Variants in MYH9 observed in about 807,000 individuals in gnomAD.
The protein encoded by MYH9 is myosin heavy chain 9.
Under a neutral mutation model 241.9 loss-of-function variants are expected in MYH9, and 29 were observed. That is an observed-to-expected ratio of 0.12 (90% CI 0.09 to 0.16). MYH9 has a LOEUF of 0.16. Among genes scored for constraint, MYH9 ranks in the 10% least tolerant of loss-of-function variants. MYH9 has a pLI of 1.00. For synonymous variants in MYH9, 1,047 were observed against 1,062.6 expected (o/e 0.99, Z 0.29); for missense variants, 1,803 against 2,595.5 (o/e 0.69, Z 6.63).
Position 36,317,600 on chromosome 22 carries a change from G to A in MYH9, c.1227+607C>T, listed in dbSNP as rs956185848. Among the ~76,000 whole-genome samples, 4 of 152,234 alleles carry A rather than the reference G, an allele frequency of 2.6e-5. No individual in the cohort carries two copies. The South Asian group carries it at 8.3e-4, about 31-fold the overall frequency. On this transcript the variant is annotated intron_variant, in intron 11 of 40. Transcript: ENST00000216181. Reference sequence around the variant, plus strand: ...ACAAAATGAGCTTCCAAGTATTTTTGAGAGATGGGTTTGGCACCCTAAAAA... The same window carrying A: ...ACAAAATGAGCTTCCAAGTATTTTTAAGAGATGGGTTTGGCACCCTAAAAA...
chr22:36,304,271 G>C (rs1229088199), intron 18 of MYH9, 116 bp from the exon 19 acceptor site: 23 of 1,119,176 alleles, frequency 2.1e-5, no homozygotes, highest in African/African-American at 4.6e-5. Context: ...TGGCTGACGA[G>C]CATCTGGAGA....
rs527571090 is a variant in MYH9, at chr22:36,285,266, G to A, written c.5338C>T (p.Arg1780Trp). Reference protein sequence around the residue: ...RSHAQKNENARQQLERQNKEL... With the variant: ...RSHAQKNENAWQQLERQNKEL... ...TTGTTCTGGCGTTCCAGCTGCTGCC[G>A]AGCATTCTCGTTCTTCTGGGCGTGG... The change falls in exon 38 of 41, where the codon CGG (arginine) becomes TGG (tryptophan). Residue 1780 changes from arginine to tryptophan, a missense_variant. Transcript: ENST00000216181. This position sits in a 1 kb window ranked among gnomAD's most constrained non-coding sequence, Gnocchi z 7.0. The A allele has an allele frequency of 7.7e-5, 125 of 1,614,018 alleles. No homozygotes were observed. The highest frequency in any genetic ancestry group is 1.3e-4 in the Admixed American group (8 of 60,026).
chr22:36,306,556 A>G lies in MYH9; in HGVS notation c.1895T>C (p.Leu632Pro). Residue 632 changes from leucine to proline, a missense_variant, in exon 16 of 41, where the codon CTG becomes CCG. Coordinates refer to ENST00000216181, the MANE Select transcript of MYH9 (RefSeq NM_002473.6). This position sits in a 1 kb window ranked among gnomAD's most constrained non-coding sequence, Gnocchi z 4.1. The stretch of plus-strand genomic sequence containing the variant: ...CTTCCGCGTCTTGAAGGCCCCGGGC[A>G]GTGCGGTCTCCGACATGCCGGCCAC... ...DQVAGMSETALPGAFKTRKGM... is the reference protein window; with the variant it reads ...DQVAGMSETAPPGAFKTRKGM... 1.2e-6 allele frequency: 2 copies of G among 1,614,010 alleles called. No homozygotes were observed. The highest frequency in any genetic ancestry group is 2.2e-5 in the East Asian group (1 of 44,886).
rs182679970 is a variant in MYH9, at chr22:36,295,421, T to C, written c.3485+84A>G. Reference sequence around the variant, plus strand: ...GCCACGGTGTGTGTGTGTGTGTGTGTGCAGAGGCCCGGGGTCCATGTCTCC... The same window carrying C: ...GCCACGGTGTGTGTGTGTGTGTGTGCGCAGAGGCCCGGGGTCCATGTCTCC... On this transcript the variant is annotated intron_variant, in intron 26 of 40. Coordinates refer to ENST00000216181, the MANE Select transcript of MYH9 (RefSeq NM_002473.6). This position sits in a 1 kb window ranked among gnomAD's most constrained non-coding sequence, Gnocchi z 4.1. 1.2e-3 allele frequency: 1,295 copies of C among 1,079,364 alleles called. No homozygotes were observed. Among genetic ancestry groups the C allele is most frequent in the Non-Finnish European group, 1.4e-3 (997 of 718,740 alleles). The allele number at this position is 1,079,364 out of a possible 1,614,324, so 66.9% of individuals were successfully genotyped here.
chr22:36,316,822 T>G (rs574127329), intron 11 of MYH9, among the ~76,000 whole-genome samples, 153 bp from the exon 12 acceptor site: 1 of 152,196 alleles, frequency 6.6e-6, no homozygotes, highest in Admixed American at 6.5e-5. Flanking sequence ...TACACAAATA[T>G]GTTCACTGTG....
intron 1 of MYH9, among the ~76,000 whole-genome samples, chr22:36,356,001 A>T (rs1041819761): frequency 1.5e-4 from 23 of 152,196 alleles, no homozygotes; most frequent in African/African-American, 2.2e-4. Flanking sequence ...TGGGTGAGCC[A>T]TTTGAGTTCT....
chr22:36,379,432 C>T (rs984543220), intron 1 of MYH9, among the ~76,000 whole-genome samples: 2 of 152,294 alleles, frequency 1.3e-5, no homozygotes, highest in African/African-American at 4.8e-5. Flanking sequence ...TGGCGTGAAC[C>T]CGGGAGGTGG....
Position 36,326,687 on chromosome 22 carries a change from G to A in MYH9, c.519-26C>T, listed in dbSNP as rs578151078. On this transcript the variant is annotated intron_variant, in intron 4 of 40. Transcript: ENST00000216181. ...CTACCAAGAGAGGCAAGGAAGTCCC[G>A]GGCTTAGGCATGGCCAAGTCCTTGA... 1.0e-5 allele frequency: 16 copies of A among 1,601,764 alleles called. 1 individual carries two copies. Among genetic ancestry groups the A allele is most frequent in the Middle Eastern group, 1.7e-4 (1 of 6,048 alleles).
At position 36,293,196 on chromosome 22, in the gene MYH9, A is replaced by G; in HGVS notation, c.4095+133T>C. On this transcript the variant is annotated intron_variant, in intron 30 of 40. Transcript: ENST00000216181. The surrounding 1 kb of genome is among the most constrained non-coding windows in gnomAD (Gnocchi z 5.1). ...CTTGAGAGCACTGATGTGGGAGAGC[A>G]CGGTTGGCTTCCCAGGGGGAGAGCA... The G allele has an allele frequency of 9.0e-7, 1 of 1,112,130 alleles. No homozygotes were observed. Among genetic ancestry groups the G allele is most frequent in the South Asian group, 1.4e-5 (1 of 72,402 alleles). The allele number at this position is 1,112,130 out of a possible 1,614,324, so 68.9% of individuals were successfully genotyped here.
intron 10 of MYH9, 87 bp from the exon 11 acceptor site, chr22:36,318,412 T>A: frequency 9.3e-7 from 1 of 1,071,126 alleles, no homozygotes; most frequent in Non-Finnish European, 1.5e-6. Context: ...AGAGAATAAG[T>A]CCCTCTGCTT....
chr22:36,301,088 C>T (rs1234422744), intron 21 of MYH9, 31 bp from the exon 22 acceptor site: 1 of 1,594,244 alleles, frequency 6.3e-7, no homozygotes, highest in Admixed American at 1.7e-5. Flanking sequence ...ACACAAGCTC[C>T]TCGCAACACC....
chr22:36,287,058 G>A (rs555019168), intron 34 of MYH9, among the ~76,000 whole-genome samples: 1 of 152,302 alleles, frequency 6.6e-6, no homozygotes, highest in East Asian at 1.9e-4. Context: ...GTTCGTCACC[G>A]TGGACGTGAG....
chr22:36,309,196 T>C, intron 15 of MYH9, 86 bp downstream of exon 15: 1 of 1,159,028 alleles, frequency 8.6e-7, no homozygotes, highest in Non-Finnish European at 1.3e-6. Flanking sequence ...GTGTACCCCT[T>C]GTTTGGCAGC....
At chr22:36,337,168 GA>G (rs1159166749) in intron 3 of MYH9, among the ~76,000 whole-genome samples, 1 of 152,176 alleles carries the variant, frequency 6.6e-6, no homozygotes, top group African/African-American at 2.4e-5. Context: ...GCCCCCCACG[GA>G]AACTTGATGG....
At chr22:36,308,431 A>AT (rs112996252) in intron 15 of MYH9, among the ~76,000 whole-genome samples, 4,990 of 143,514 alleles carry the variant, frequency 0.035, 268 homozygotes, top group African/African-American at 0.12. Context: ...CACCCAGCTG[A>AT]TTTTTTTTTT....
intron 1 of MYH9, among the ~76,000 whole-genome samples, chr22:36,373,997 CA>C (rs2146419396): frequency 6.6e-6 from 1 of 151,616 alleles, no homozygotes; most frequent in African/African-American, 2.4e-5. Flanking sequence ...AGGTGCAGGG[CA>C]AATCTGCTTC....
At chr22:36,379,067 T>C (rs2018215508) in intron 1 of MYH9, among the ~76,000 whole-genome samples, 1 of 152,148 alleles carries the variant, frequency 6.6e-6, no homozygotes, top group African/African-American at 2.4e-5. Context: ...TTTTCATTGT[T>C]GTTGCTGATT....
chr22:36,309,037 A>G (rs2017017186), intron 15 of MYH9, among the ~76,000 whole-genome samples: 1 of 152,146 alleles, frequency 6.6e-6, no homozygotes, highest in Non-Finnish European at 1.5e-5. Context: ...GCTGCCCTTG[A>G]CTTTCCCACA....
chr22:36,297,298 G>A (rs2016803896), intron 24 of MYH9: 1 of 476,386 alleles, frequency 2.1e-6, no homozygotes, highest in Non-Finnish European at 3.8e-6. Flanking sequence ...TCCCTTGAAG[G>A]CTGTACCATG....
Sources: allele counts gnomAD v4.1 joint callset (sites outside exome capture counted in the v4.1 genomes callset), GRCh38; gene constraint gnomAD v4.1.1; non-coding constraint Gnocchi (gnomAD v3.1); transcripts MANE v1.5; gene names NCBI Gene and HGNC (gene_info 2026-07-23, HGNC 2026-07-21).